GALNT18: variants seen among roughly 807,000 people sequenced by gnomAD.
GALNT18 encodes GalNAc-transferase 18.
Under a neutral mutation model 69.5 loss-of-function variants are expected in GALNT18, and 44 were observed. That is an observed-to-expected ratio of 0.63 (90% confidence interval 0.50 to 0.81). GALNT18 has a LOEUF of 0.81. Ranked by LOEUF, GALNT18 falls within the 40% of genes least tolerant of loss-of-function variation. GALNT18 has a pLI of 0.00. For synonymous variants in GALNT18, 364 were observed against 318.2 expected (o/e 1.14, Z -1.53); for missense variants, 715 against 810.0 (o/e 0.88, Z 1.42).
rs1860184726 is a variant in GALNT18 at position 11,621,279 on chromosome 11, G to A, written c.235+80C>T. On this transcript the variant is annotated intron_variant, in intron 1 of 10. Coordinates refer to ENST00000227756, the MANE Select transcript of GALNT18 (RefSeq NM_198516.3). The surrounding 1 kb of genome is among the most constrained non-coding windows in gnomAD (Gnocchi z 9.3). ...AGCCCCGCCGTGGCTGAGTTGATGC[G>A]CACCAGCCCCAGCGCACCCCGCGCC... is the stretch of plus-strand genomic sequence containing the variant. 5.9e-5 allele frequency: 70 copies of A among 1,183,140 alleles called. 1 individual carries two copies. The South Asian group carries it at 8.8e-4, about 15-fold the overall frequency. 73.3% of individuals were successfully genotyped at this position (1,183,140 alleles called of 1,614,324 possible). A position where few individuals can be genotyped will look rare whatever the true frequency, so the allele number is the denominator to read the frequency against.
At chr11:11,474,347 G>A (rs1027493524) in intron 1 of GALNT18, among the ~76,000 whole-genome samples, 1 of 152,208 alleles carries the variant, frequency 6.6e-6, no homozygotes, top group Non-Finnish European at 1.5e-5. Context: ...AATGGCACGA[G>A]TGTGATTGGC....
At chr11:11,426,713 G>A (rs1855141468) in intron 3 of GALNT18, among the ~76,000 whole-genome samples, 1 of 152,182 alleles carries the variant, frequency 6.6e-6, no homozygotes, top group Non-Finnish European at 1.5e-5. Flanking sequence ...AAGGGGTGGG[G>A]TGAGGAGTGA....
chr11:11,539,032 G>C (rs774132344), intron 1 of GALNT18, among the ~76,000 whole-genome samples: 1 of 152,228 alleles, frequency 6.6e-6, no homozygotes, highest in Non-Finnish European at 1.5e-5. Flanking sequence ...CTTTGGGCTA[G>C]AGGAGTGCCT....
At chr11:11,308,704 G>A (rs940619875) in intron 9 of GALNT18, among the ~76,000 whole-genome samples, 6 of 152,148 alleles carry the variant, frequency 3.9e-5, no homozygotes, top group African/African-American at 1.4e-4. Flanking sequence ...CATCTCCTCT[G>A]TAAGAATCAG....
rs1857983213 is a variant in GALNT18, at chr11:11,543,899, A to G, written c.235+77460T>C. 6.6e-6 allele frequency among the ~76,000 whole-genome samples: 1 copy of G among 152,242 alleles called. No individual in the cohort carries two copies. The highest frequency in any genetic ancestry group is 1.5e-5 in the Non-Finnish European group (1 of 68,034). On this transcript the variant is annotated intron_variant, in intron 1 of 10. Transcript: ENST00000227756. This position sits in a 1 kb window ranked among gnomAD's most constrained non-coding sequence, Gnocchi z 5.1. Reference sequence around the variant, plus strand: ...TCCTCACACAGGAAAGGCCTTTCCTAAGTGACTTCCTCACTCCAGGCCCAA... The same window carrying G: ...TCCTCACACAGGAAAGGCCTTTCCTGAGTGACTTCCTCACTCCAGGCCCAA...
chr11:11,299,845 G>C (rs1432084827), intron 9 of GALNT18, among the ~76,000 whole-genome samples: 1 of 152,190 alleles, frequency 6.6e-6, no homozygotes, highest in Admixed American at 6.5e-5. Flanking sequence ...GGGATTGCTG[G>C]ATCAAATGGT....
chr11:11,550,722 G>A (rs752767861), intron 1 of GALNT18, among the ~76,000 whole-genome samples: 19 of 152,302 alleles, frequency 1.2e-4, no homozygotes, highest in Non-Finnish European at 1.8e-4. Context: ...CTAGATCTGC[G>A]CTGTCCAAGG....
intron 1 of GALNT18, among the ~76,000 whole-genome samples, chr11:11,609,591 G>A (rs983464997): frequency 1.4e-4 from 21 of 152,194 alleles, no homozygotes; most frequent in African/African-American, 5.1e-4. Flanking sequence ...CATACCAAAA[G>A]AAGGCAGCGG....
chr11:11,357,934 T>C (rs1401821552), intron 6 of GALNT18, among the ~76,000 whole-genome samples: 2 of 152,218 alleles, frequency 1.3e-5, no homozygotes. Context: ...ATGGTAGCTA[T>C]TATCATTAGT....
rs34166465 is a variant in GALNT18, at chr11:11,293,533, C to CTTTTTTTTTTTT, written c.1513-352_1513-341dup. On this transcript the variant is annotated intron_variant, in intron 9 of 10. Transcript: ENST00000227756. ...TTCTTCACCCAGTTTACAAACCCCT[C>CTTTTTTTTTTTT]TTTTTTTTTTTTTTTTTTTTTTTTG... Among the ~76,000 whole-genome samples the CTTTTTTTTTTTT allele has an allele frequency of 5.6e-4, 45 of 80,210 alleles. 1 individual carries two copies. Among genetic ancestry groups the CTTTTTTTTTTTT allele is most frequent in the African/African-American group, 2.2e-3 (44 of 19,956 alleles). 52.6% of individuals were successfully genotyped at this position (80,210 alleles called of 152,430 possible).
rs1488561909 is a variant in GALNT18, at chr11:11,415,702, A to C, written c.595+16919T>G. On this transcript the variant is annotated intron_variant, in intron 3 of 10. Coordinates refer to ENST00000227756, the MANE Select transcript of GALNT18 (RefSeq NM_198516.3). The surrounding 1 kb of genome is among the most constrained non-coding windows in gnomAD (Gnocchi z 4.1). ...TAAAACATAGAACAGAAAAGACAGAATCTATCTCCCACCCACACCTATGCG... is the reference window on the plus strand; with the variant it reads ...TAAAACATAGAACAGAAAAGACAGACTCTATCTCCCACCCACACCTATGCG... Among the ~76,000 whole-genome samples the C allele has an allele frequency of 6.6e-6, 1 of 152,052 alleles. No homozygotes were observed. Among genetic ancestry groups the C allele is most frequent in the Non-Finnish European group, 1.5e-5 (1 of 68,028 alleles).
In GALNT18 at chr11:11,314,677, C is replaced by A. The variant is rs1849721723; in HGVS notation, c.1512+12409G>T. The stretch of plus-strand genomic sequence containing the variant: ...GAGAATGGGCACCAGCTCTGGGTGG[C>A]CTGAGAATCAGGGATAACTGCAGGC... On this transcript the variant is annotated intron_variant, in intron 9 of 10. Coordinates refer to ENST00000227756, the MANE Select transcript of GALNT18 (RefSeq NM_198516.3). The surrounding 1 kb of genome is among the most constrained non-coding windows in gnomAD (Gnocchi z 5.2). Among the ~76,000 whole-genome samples the A allele has an allele frequency of 6.6e-6, 1 of 152,138 alleles. No individual in the cohort carries two copies. The highest frequency in any genetic ancestry group is 2.4e-5 in the African/African-American group (1 of 41,436).
intron 3 of GALNT18, among the ~76,000 whole-genome samples, chr11:11,414,390 G>T (rs778687518): frequency 6.6e-6 from 1 of 152,074 alleles, no homozygotes; most frequent in Non-Finnish European, 1.5e-5. Flanking sequence ...CCATCCTCCC[G>T]CTTCCTTACC....
rs7947795 is a variant in GALNT18, at chr11:11,602,922, G to C, written c.235+18437C>G. 6.6e-6 allele frequency among the ~76,000 whole-genome samples: 1 copy of C among 152,204 alleles called. No homozygotes were observed. Among genetic ancestry groups the C allele is most frequent in the Admixed American group, 6.5e-5 (1 of 15,288 alleles). ...AGGAGTCAAAATGGGTGGTAAACTT[G>C]GGAAATACTAGAATTTATGATTCAT... On this transcript the variant is annotated intron_variant, in intron 1 of 10. Coordinates refer to ENST00000227756, the MANE Select transcript of GALNT18 (RefSeq NM_198516.3). This position sits in a 1 kb window ranked among gnomAD's most constrained non-coding sequence, Gnocchi z 4.7.
chr11:11,488,325 C>T (rs995974478), intron 1 of GALNT18, among the ~76,000 whole-genome samples: 1 of 152,088 alleles, frequency 6.6e-6, no homozygotes, highest in Non-Finnish European at 1.5e-5. Context: ...TTCCTTGACT[C>T]GGGGTCCTCT....
Position 11,320,704 on chromosome 11 carries a change from C to T in GALNT18, c.1512+6382G>A, listed in dbSNP as rs184860707. Among the ~76,000 whole-genome samples the T allele has an allele frequency of 2.6e-5, 4 of 152,312 alleles. No homozygotes were observed. The East Asian group carries it at 7.7e-4, about 29-fold the overall frequency. ...AGCAGCCCCTTACCTTTCACTCATC[C>T]CCTGCCCCTGCGTTCATCATGGGTG... On this transcript the variant is annotated intron_variant, in intron 9 of 10. Transcript: ENST00000227756. The surrounding 1 kb of genome is among the most constrained non-coding windows in gnomAD (Gnocchi z 4.9).
At chr11:11,458,832 C>T (rs967358572) in intron 1 of GALNT18, among the ~76,000 whole-genome samples, 3 of 152,224 alleles carry the variant, frequency 2.0e-5, no homozygotes, top group Admixed American at 1.3e-4. Context: ...GCCTTTGTGC[C>T]TGGTCCCAGC....
chr11:11,420,055 C>T (rs1305868584), intron 3 of GALNT18, among the ~76,000 whole-genome samples: 1 of 151,820 alleles, frequency 6.6e-6, no homozygotes, highest in Non-Finnish European at 1.5e-5. Context: ...GAGACAGTTC[C>T]TGAAAAAAAT....
rs180854804 is a variant in GALNT18, at chr11:11,382,675, C to T, written c.596-3411G>A. ...AAGATTTTATCAGGATTTTTGCTGC[C>T]CTATCTTTGCTAAACCTTTGATTTT... is the stretch of plus-strand genomic sequence containing the variant. On this transcript the variant is annotated intron_variant, in intron 3 of 10. Transcript: ENST00000227756. This position sits in a 1 kb window ranked among gnomAD's most constrained non-coding sequence, Gnocchi z 4.3. 6.2e-4 allele frequency among the ~76,000 whole-genome samples: 95 copies of T among 152,178 alleles called. No homozygotes were observed. Among genetic ancestry groups the T allele is most frequent in the African/African-American group, 2.1e-3 (88 of 41,512 alleles).
Sources: gnomAD v4.1 joint callset for allele counts (sites outside exome capture counted in the v4.1 genomes callset) on GRCh38, gnomAD v4.1.1 for gene constraint, Gnocchi (gnomAD v3.1) non-coding constraint, MANE v1.5 for transcripts, NCBI Gene and HGNC (gene_info 2026-07-23, HGNC 2026-07-21) for gene names.